The following HIVEP3 variants were observed in gnomAD, a reference collection of about 807,000 sequenced individuals.
The protein encoded by HIVEP3 is HIVEP zinc finger 3.
HIVEP3 carries 49 observed loss-of-function variants against 152.8 expected under a neutral mutation model. The observed-to-expected ratio is 0.32, with a 90% CI of 0.26 to 0.41. The LOEUF (loss-of-function observed/expected upper bound fraction) is 0.41. Among genes scored for constraint, HIVEP3 ranks in the 10% least tolerant of loss-of-function variants. The pLI, the probability that HIVEP3 is intolerant of heterozygous loss-of-function variation, is 1.00. For missense variants in HIVEP3, 2,790 were observed against 3,103.3 expected (o/e 0.90, Z 2.40); for synonymous variants, 1,269 against 1,289.0 (o/e 0.98, Z 0.33).
chr1:41,676,799 C>T (rs1033587062), intron 2 of HIVEP3, among the ~76,000 whole-genome samples: 5 of 152,190 alleles, frequency 3.3e-5, no homozygotes, highest in African/African-American at 9.7e-5. Flanking sequence ...CAAACACAAT[C>T]GCGCAGTGAC....
intron 3 of HIVEP3, among the ~76,000 whole-genome samples, chr1:41,587,586 C>T (rs866189766): frequency 2.0e-5 from 3 of 152,234 alleles, no homozygotes; most frequent in Non-Finnish European, 2.9e-5. Flanking sequence ...TAAGTGCCAA[C>T]TGTCTCTGGG....
chr1:41,963,232 C>G (rs1277948626), intron 1 of HIVEP3, among the ~76,000 whole-genome samples: 1 of 152,016 alleles, frequency 6.6e-6, no homozygotes, highest in Non-Finnish European at 1.5e-5. Flanking sequence ...AGGATGGTCT[C>G]GATCTCCTGA....
chr1:41,883,514 T>G (rs562821683), intron 1 of HIVEP3, among the ~76,000 whole-genome samples: 34 of 152,096 alleles, frequency 2.2e-4, no homozygotes, highest in Non-Finnish European at 4.3e-4. Context: ...ACATCAACAT[T>G]ACACTAATGA....
chr1:41,512,739 T>C, intron 8 of HIVEP3, 77 bp downstream of exon 8: 1 of 1,195,762 alleles, frequency 8.4e-7, no homozygotes, highest in Non-Finnish European at 1.1e-6. Flanking sequence ...CCAGGTGTGA[T>C]ACCCAGGAGG....
chr1:41,784,752 T>A (rs1031323501), intron 1 of HIVEP3, among the ~76,000 whole-genome samples: 2 of 152,242 alleles, frequency 1.3e-5, no homozygotes, highest in Non-Finnish European at 2.9e-5. Flanking sequence ...TAAATTCTAT[T>A]GTAGTCTTCT....
chr1:41,715,405 C>T lies in HIVEP3; in HGVS notation c.-800-14410G>A, dbSNP rs4660556. Among the ~76,000 whole-genome samples, 290 of 152,214 alleles carry T rather than the reference C, an allele frequency of 1.9e-3. 2 individuals are homozygous for T. Among genetic ancestry groups the T allele is most frequent in the Non-Finnish European group, 3.1e-3 (213 of 68,002 alleles). On this transcript the variant is annotated intron_variant, in intron 1 of 8. Transcript: ENST00000372583. Reference sequence around the variant, plus strand: ...CCTGAGTCTTCAGCCTGGGCCCAGGCGACCTGAAGGGGACCCACGGCAAGC... The same window carrying T: ...CCTGAGTCTTCAGCCTGGGCCCAGGTGACCTGAAGGGGACCCACGGCAAGC...
chr1:41,834,795 T>G (rs1196378280), intron 1 of HIVEP3, among the ~76,000 whole-genome samples: 2 of 151,768 alleles, frequency 1.3e-5, no homozygotes, highest in African/African-American at 4.8e-5. Flanking sequence ...GAAAAAATAA[T>G]AAAGAAAGAT....
intron 5 of HIVEP3, among the ~76,000 whole-genome samples, chr1:41,547,435 TG>T (rs1441012856): frequency 6.6e-6 from 1 of 152,050 alleles, no homozygotes. Context: ...GTGCCTGGCC[TG>T]GGCTTTGAAG....
intron 5 of HIVEP3, among the ~76,000 whole-genome samples, chr1:41,528,753 A>C (rs1569762310): frequency 1.6e-5 from 1 of 63,628 alleles, no homozygotes; most frequent in East Asian, 5.3e-4. Flanking sequence ...CACATACTCC[A>C]TCCTCACACT....
intron 1 of HIVEP3, among the ~76,000 whole-genome samples, chr1:41,996,401 A>AG (rs1557554910): frequency 2.6e-5 from 4 of 151,178 alleles, no homozygotes; most frequent in African/African-American, 4.9e-5. Flanking sequence ...AAAAAAAAAA[A>AG]AGAGAGAGAG....
intron 2 of HIVEP3, among the ~76,000 whole-genome samples, chr1:41,631,686 G>C (rs1645197129): frequency 6.6e-6 from 1 of 152,076 alleles, no homozygotes; most frequent in African/African-American, 2.4e-5. Context: ...CCACACAGTG[G>C]AGAGGCTTGC....
At chr1:41,739,703 T>C (rs1341934769) in intron 1 of HIVEP3, among the ~76,000 whole-genome samples, 1 of 152,206 alleles carries the variant, frequency 6.6e-6, no homozygotes, top group Admixed American at 6.5e-5. Flanking sequence ...CCCAGTATCA[T>C]CTTGTCTGCT....
chr1:41,878,678 C>T (rs1644209808), intron 1 of HIVEP3, among the ~76,000 whole-genome samples: 1 of 151,158 alleles, frequency 6.6e-6, no homozygotes, highest in South Asian at 2.1e-4. Flanking sequence ...TCTCTCCCTC[C>T]CTTCCCTCCT....
At chr1:41,818,645 A>T (rs976694989) in intron 1 of HIVEP3, among the ~76,000 whole-genome samples, 2 of 152,226 alleles carry the variant, frequency 1.3e-5, no homozygotes, top group African/African-American at 4.8e-5. Context: ...GACATTGGAC[A>T]TACCATACCG....
chr1:41,534,926 GA>G, intron 5 of HIVEP3, among the ~76,000 whole-genome samples: 1 of 152,302 alleles, frequency 6.6e-6, no homozygotes, highest in East Asian at 1.9e-4. Flanking sequence ...GCTCTTGTTG[GA>G]ACTCGCCAGG....
chr1:41,597,652 G>T (rs1177333579), intron 3 of HIVEP3, among the ~76,000 whole-genome samples: 1 of 152,126 alleles, frequency 6.6e-6, no homozygotes, highest in Non-Finnish European at 1.5e-5. Flanking sequence ...GACCCTCAAG[G>T]CAGCCAGGCC....
intron 1 of HIVEP3, among the ~76,000 whole-genome samples, chr1:41,841,440 C>T (rs1464136180): frequency 6.6e-6 from 1 of 152,208 alleles, no homozygotes; most frequent in Non-Finnish European, 1.5e-5. Context: ...GAGCCGAATG[C>T]TCTGTGAATA....
intron 1 of HIVEP3, among the ~76,000 whole-genome samples, chr1:41,717,011 C>T (rs887717673): frequency 6.6e-6 from 1 of 152,218 alleles, no homozygotes; most frequent in Non-Finnish European, 1.5e-5. Flanking sequence ...GCCCAGGCCT[C>T]GGCCTGGCAG....
chr1:41,563,147 G>C (rs1399818548), intron 5 of HIVEP3, among the ~76,000 whole-genome samples: 3 of 152,092 alleles, frequency 2.0e-5, no homozygotes, highest in Non-Finnish European at 4.4e-5. Context: ...AGGAGTTTAA[G>C]ACCAGCCTGG....
Sources: gnomAD v4.1 joint callset for allele counts (sites outside exome capture counted in the v4.1 genomes callset) on GRCh38, gnomAD v4.1.1 for gene constraint, MANE v1.5 for transcripts, NCBI Gene and HGNC (gene_info 2026-07-23, HGNC 2026-07-21) for gene names.